Variants in KLF12 observed in about 807,000 individuals in gnomAD.
The protein encoded by KLF12 is KLF transcription factor 12, also known as Krueppel-like factor 12.
A neutral mutation model predicts 37.8 loss-of-function variants in KLF12; 9 were observed. The observed-to-expected ratio is 0.24, with a 90% CI of 0.14 to 0.42. The LOEUF (loss-of-function observed/expected upper bound fraction) is 0.42, where lower values mean the gene tolerates loss of function less well. Among genes scored for constraint, KLF12 ranks in the 10% least tolerant of loss-of-function variants. The pLI, the probability that KLF12 is intolerant of heterozygous loss-of-function variation, is 1.00. For synonymous variants in KLF12, 208 were observed against 202.1 expected (o/e 1.03, Z -0.25); for missense variants, 411 against 516.0 (o/e 0.80, Z 1.97).
chr13:73,708,447 T>C (rs1875114933), intron 7 of KLF12, among the ~76,000 whole-genome samples: 1 of 152,188 alleles, frequency 6.6e-6, no homozygotes, highest in African/African-American at 2.4e-5. Flanking sequence ...CATTAAATTG[T>C]AATATTCTGC....
intron 5 of KLF12, among the ~76,000 whole-genome samples, chr13:73,779,358 G>A (rs1409102642): frequency 5.3e-5 from 8 of 152,174 alleles, no homozygotes; most frequent in African/African-American, 1.7e-4. Flanking sequence ...ACAATCACCA[G>A]TGGCCAATGA....
chr13:74,049,963 G>A (rs1311249997), intron 1 of KLF12, among the ~76,000 whole-genome samples: 1 of 122,280 alleles, frequency 8.2e-6, no homozygotes, highest in East Asian at 2.8e-4. Flanking sequence ...GATTTCTGGT[G>A]ATGGTGGTTT....
At chr13:74,303,013 A>T in the KLF12 span, among the ~76,000 whole-genome samples, 32 of 152,248 alleles carry the variant, frequency 2.1e-4, no homozygotes, top group African/African-American at 7.5e-4. Context: ...TGTAAAGGCC[A>T]AGCCAGGACA....
At chr13:74,231,202 C>A in the KLF12 span, among the ~76,000 whole-genome samples, 2 of 145,228 alleles carry the variant, frequency 1.4e-5, no homozygotes, top group South Asian at 4.3e-4. Context: ...GGGACCATGT[C>A]ATTTTTTTTT....
chr13:73,945,333 G>A (rs1379582395), intron 2 of KLF12, among the ~76,000 whole-genome samples: 1 of 152,174 alleles, frequency 6.6e-6, no homozygotes, highest in African/African-American at 2.4e-5. Context: ...GCTGGGCGTG[G>A]TGGCAGGCAC....
chr13:74,226,783 G>A, the KLF12 span, among the ~76,000 whole-genome samples: 2 of 152,094 alleles, frequency 1.3e-5, no homozygotes, highest in African/African-American at 4.8e-5. Context: ...AGCTAAACTG[G>A]GAAAGGTACC....
At chr13:74,079,799 ACTG>A (rs1366088500) in intron 1 of KLF12, among the ~76,000 whole-genome samples, 1 of 152,218 alleles carries the variant, frequency 6.6e-6, no homozygotes, top group Non-Finnish European at 1.5e-5. Context: ...AAATGGTACA[ACTG>A]CTAAGAAAAA....
the KLF12 span, among the ~76,000 whole-genome samples, chr13:74,271,872 A>G: frequency 6.6e-6 from 1 of 152,186 alleles, no homozygotes; most frequent in African/African-American, 2.4e-5. Context: ...TATGGTGACC[A>G]GACTCTAGCT....
the KLF12 span, among the ~76,000 whole-genome samples, chr13:74,263,994 C>T: frequency 5.1e-4 from 77 of 152,160 alleles, no homozygotes; most frequent in Middle Eastern, 6.8e-3. Context: ...AGATTATATA[C>T]CAGATCTCAG....
Position 74,058,282 on chromosome 13 carries a change from G to C in KLF12, c.-31-63229C>G, listed in dbSNP as rs192815809. Among the ~76,000 whole-genome samples the C allele has an allele frequency of 3.8e-3, 561 of 148,514 alleles. 2 individuals are homozygous for C. The highest frequency in any genetic ancestry group is 5.9e-3 in the Non-Finnish European group (397 of 67,166). On this transcript the variant is annotated intron_variant, in intron 1 of 7. Coordinates refer to ENST00000377669, the MANE Select transcript of KLF12 (RefSeq NM_007249.5). ...GTGCCCGGCCAGCTATATAATCTTT[G>C]ATAAGTTTCTCAGAACCTTAGTTTC...
rs576606054 is a variant in KLF12 at position 73,693,628 on chromosome 13, A to G, written c.*1862T>C. 3.3e-5 allele frequency: 5 copies of G among 152,770 alleles called. No homozygotes were observed. Among genetic ancestry groups the G allele is most frequent in the Middle Eastern group, 3.4e-3 (1 of 294 alleles). The allele number at this position is 152,770 out of a possible 1,614,324, so 9.5% of individuals were successfully genotyped here. The stretch of plus-strand genomic sequence containing the variant: ...ATTAGAAGATGATCCTAAAAAGGGT[A>G]ATTCTGTAACCGGAAATTATTTCAG... On this transcript the variant is annotated 3_prime_UTR_variant, in exon 8 of 8. Coordinates refer to ENST00000377669, the MANE Select transcript of KLF12 (RefSeq NM_007249.5).
At chr13:74,249,335 ATC>A in the KLF12 span, among the ~76,000 whole-genome samples, 1 of 93,742 alleles carries the variant, frequency 1.1e-5, no homozygotes, top group Non-Finnish European at 2.1e-5. Flanking sequence ...AAGCAGGAGC[ATC>A]ACACACACAC....
At chr13:74,230,937 T>A in the KLF12 span, among the ~76,000 whole-genome samples, 1 of 152,178 alleles carries the variant, frequency 6.6e-6, no homozygotes, top group Non-Finnish European at 1.5e-5. Flanking sequence ...ACACTGAATA[T>A]CTTTTTGCTG....
intron 2 of KLF12, among the ~76,000 whole-genome samples, chr13:73,954,277 C>T (rs1246495800): frequency 1.3e-5 from 2 of 151,932 alleles, no homozygotes; most frequent in African/African-American, 2.4e-5. Context: ...CGCACCCAGC[C>T]CGGTTTTGTC....
the KLF12 span, among the ~76,000 whole-genome samples, chr13:74,142,713 A>G: frequency 2.0e-5 from 3 of 152,206 alleles, no homozygotes; most frequent in East Asian, 5.8e-4. Flanking sequence ...TGGGTACCCT[A>G]TGATACCTGT....
the KLF12 span, among the ~76,000 whole-genome samples, chr13:74,191,988 A>T: frequency 6.6e-6 from 1 of 152,216 alleles, no homozygotes; most frequent in Non-Finnish European, 1.5e-5. Context: ...CAAATTACCT[A>T]TGTTGACCAG....
intron 2 of KLF12, among the ~76,000 whole-genome samples, chr13:73,958,945 T>C (rs113923654): frequency 6.6e-6 from 1 of 150,948 alleles, no homozygotes; most frequent in Admixed American, 6.6e-5. Flanking sequence ...CTAGGCAGAC[T>C]TCAGCAACTA....
chr13:73,890,519 C>T (rs1887453647), intron 3 of KLF12, among the ~76,000 whole-genome samples: 1 of 152,014 alleles, frequency 6.6e-6, no homozygotes, highest in Non-Finnish European at 1.5e-5. Flanking sequence ...TGGGGGAAAT[C>T]ATTTTAATTT....
At chr13:74,286,623 A>G in the KLF12 span, among the ~76,000 whole-genome samples, 1 of 152,218 alleles carries the variant, frequency 6.6e-6, no homozygotes. Flanking sequence ...CACTGATAAA[A>G]TACAAGCTGA....
Sources: gnomAD v4.1 joint callset for allele counts (sites outside exome capture counted in the v4.1 genomes callset) on GRCh38, gnomAD v4.1.1 for gene constraint, MANE v1.5 for transcripts, NCBI Gene and HGNC (gene_info 2026-07-23, HGNC 2026-07-21) for gene names.